The following CCDC88C variants were observed in gnomAD, a reference collection of about 807,000 sequenced individuals.
CCDC88C encodes the protein coiled-coil and HOOK domain protein 88C, also known as protein Daple.
A neutral mutation model predicts 198.8 loss-of-function variants in CCDC88C; 131 were observed. The observed-to-expected ratio is 0.66, with a 90% confidence interval of 0.57 to 0.76. The LOEUF (loss-of-function observed/expected upper bound fraction) is 0.76, where lower values mean the gene tolerates loss of function less well. CCDC88C is among the 30% of genes least tolerant of loss of function. The pLI is 0.00. For synonymous variants in CCDC88C, 1,166 were observed against 1,114.7 expected (o/e 1.05, Z -0.92); for missense variants, 2,553 against 2,631.6 (o/e 0.97, Z 0.65).
intron 3 of CCDC88C, among the ~76,000 whole-genome samples, chr14:91,398,815 G>A (rs1885999533): frequency 1.3e-5 from 2 of 152,192 alleles, no homozygotes; most frequent in African/African-American, 4.8e-5. Flanking sequence ...CTCTTGTCTG[G>A]CTGATCAGGA....
chr14:91,298,896 G>C (rs1480357810), intron 21 of CCDC88C, among the ~76,000 whole-genome samples: 1 of 152,208 alleles, frequency 6.6e-6, no homozygotes, highest in Admixed American at 6.5e-5. Context: ...TCCTGACTCT[G>C]CTATTCACTA....
intron 24 of CCDC88C, 108 bp from the exon 25 acceptor site, chr14:91,289,451 A>G (rs1890568534): frequency 2.1e-6 from 2 of 960,074 alleles, no homozygotes; most frequent in South Asian, 1.3e-5. Context: ...CTGGGAAGCT[A>G]GGCCACTCAC....
At chr14:91,293,422 C>CA in intron 23 of CCDC88C, among the ~76,000 whole-genome samples, 1 of 134,464 alleles carries the variant, frequency 7.4e-6, no homozygotes. Flanking sequence ...TCACCTGCCA[C>CA]GGCCCACCTT....
In CCDC88C at chr14:91,344,515, C is replaced by T. The variant is rs1165418255; in HGVS notation, c.341-858G>A. ...TTCTATAAGATAACATAAAGCCATC[C>T]TTTTTTTTTTTTTTGAGATGGAGTC... On this transcript the variant is annotated intron_variant, in intron 4 of 29. Coordinates refer to ENST00000389857, the MANE Select transcript of CCDC88C (RefSeq NM_001080414.4). Among the ~76,000 whole-genome samples the T allele has an allele frequency of 3.5e-5, 5 of 143,036 alleles. No homozygotes were observed. In the South Asian group the frequency reaches 8.9e-4, roughly 26 times the overall value. The allele number at this position is 143,036 out of a possible 152,430, so 93.8% of individuals were successfully genotyped here.
chr14:91,388,681 A>T (rs1288988519), intron 3 of CCDC88C, among the ~76,000 whole-genome samples: 2 of 152,246 alleles, frequency 1.3e-5, no homozygotes, highest in African/African-American at 2.4e-5. Flanking sequence ...TGACTTAAAA[A>T]GGATCGAAAC....
In CCDC88C at chr14:91,293,596, T is replaced by TTCCTGTCCCCTCACCTGCCAC. The variant is rs1567056076; in HGVS notation, c.4112+576_4112+577insGTGGCAGGTGAGGGGACAGGA. 3.9e-3 allele frequency among the ~76,000 whole-genome samples: 77 copies of TTCCTGTCCCCTCACCTGCCAC among 19,846 alleles called. 7 individuals carry two copies. The highest frequency in any genetic ancestry group is 7.2e-3 in the Admixed American group (14 of 1,940). The allele number at this position is 19,846 out of a possible 152,430, so 13.0% of individuals were successfully genotyped here. On this transcript the variant is annotated intron_variant, in intron 23 of 29. Coordinates refer to ENST00000389857, the MANE Select transcript of CCDC88C (RefSeq NM_001080414.4). Reference sequence around the variant, plus strand: ...CACCTTCCTGTCCCCTCGCCTGCCATGGCCCACCTCCTGTGGGCCTCCCCC... The same window carrying TTCCTGTCCCCTCACCTGCCAC: ...CACCTTCCTGTCCCCTCGCCTGCCATTCCTGTCCCCTCACCTGCCACGGCCCACCTCCTGTGGGCCTCCCCC...
chr14:91,368,332 A>G (rs1315449899), intron 3 of CCDC88C, among the ~76,000 whole-genome samples: 1 of 152,218 alleles, frequency 6.6e-6, no homozygotes, highest in African/African-American at 2.4e-5. Context: ...AAAACATTTC[A>G]GAGGGAAAAA....
At chr14:91,279,050 C>T (rs927062430) in intron 28 of CCDC88C, among the ~76,000 whole-genome samples, 188 bp downstream of exon 28, 16 of 151,812 alleles carry the variant, frequency 1.1e-4, no homozygotes, top group Non-Finnish European at 7.4e-5. Flanking sequence ...CACAGGCATG[C>T]GCCACCACGC....
rs1010469864 is a variant in CCDC88C at position 91,290,769 on chromosome 14, A to C, written c.4202+226T>G. Among the ~76,000 whole-genome samples, 21 of 152,196 alleles carry C rather than the reference A, an allele frequency of 1.4e-4. No homozygotes were observed. The highest frequency in any genetic ancestry group is 5.9e-5 in the Non-Finnish European group (4 of 68,036). ...CCCCCTTAAAAAAGGCTCATAGCTA[A>C]ATGAAGCCTGTGTCTCATTGGGGTC... On this transcript the variant is annotated intron_variant, in intron 24 of 29. Coordinates refer to ENST00000389857, the MANE Select transcript of CCDC88C (RefSeq NM_001080414.4).
At chr14:91,334,854 G>A (rs1892984075) in intron 10 of CCDC88C, among the ~76,000 whole-genome samples, 1 of 152,058 alleles carries the variant, frequency 6.6e-6, no homozygotes, top group Admixed American at 6.5e-5. Flanking sequence ...ATGGTACCTG[G>A]CTCCCATCTC....
intron 3 of CCDC88C, among the ~76,000 whole-genome samples, chr14:91,394,189 C>A (rs567810462): frequency 6.6e-6 from 1 of 152,194 alleles, no homozygotes; most frequent in Middle Eastern, 3.2e-3. Context: ...TTCCACCCCC[C>A]AGGGACTGAG....
At chr14:91,293,598 G>A (rs112260605) in intron 23 of CCDC88C, among the ~76,000 whole-genome samples, 1 of 142,008 alleles carries the variant, frequency 7.0e-6, no homozygotes, top group Non-Finnish European at 1.5e-5. Context: ...GCCTGCCATG[G>A]CCCACCTCCT....
intron 10 of CCDC88C, among the ~76,000 whole-genome samples, chr14:91,331,158 GA>G (rs985223429): frequency 3.9e-5 from 6 of 152,102 alleles, no homozygotes; most frequent in African/African-American, 1.4e-4. Flanking sequence ...CAGACTGGGG[GA>G]AATGGGCCCA....
chr14:91,416,075 A>C (rs527588880), intron 2 of CCDC88C, among the ~76,000 whole-genome samples: 1 of 152,240 alleles, frequency 6.6e-6, no homozygotes, highest in Non-Finnish European at 1.5e-5. Flanking sequence ...GCAAGCTGTC[A>C]ATCAGGCCGT....
intron 3 of CCDC88C, among the ~76,000 whole-genome samples, chr14:91,380,830 G>T (rs1289622781): frequency 1.3e-5 from 2 of 152,130 alleles, no homozygotes; most frequent in Non-Finnish European, 2.9e-5. Context: ...TCCCCAGGGA[G>T]CGTTTGTGAT....
chr14:91,332,470 T>C (rs964165609), intron 10 of CCDC88C, among the ~76,000 whole-genome samples: 1 of 152,202 alleles, frequency 6.6e-6, no homozygotes, highest in Non-Finnish European at 1.5e-5. Flanking sequence ...TACATTTGTG[T>C]TCCATGTTTT....
chr14:91,333,742 C>T (rs1892931551), intron 10 of CCDC88C, among the ~76,000 whole-genome samples: 1 of 152,188 alleles, frequency 6.6e-6, no homozygotes, highest in South Asian at 2.1e-4. Flanking sequence ...AGGGCCTGCC[C>T]TTACTCCCTA....
At chr14:91,291,295 T>C (rs1952050917) in intron 23 of CCDC88C, among the ~76,000 whole-genome samples, 1 of 152,104 alleles carries the variant, frequency 6.6e-6, no homozygotes. Context: ...GACCCTGAGA[T>C]TTACTGAAGC....
At chr14:91,301,868 G>A (rs775476215) in intron 20 of CCDC88C, among the ~76,000 whole-genome samples, 2 of 152,188 alleles carry the variant, frequency 1.3e-5, no homozygotes, top group African/African-American at 4.8e-5. Context: ...TCAGCTGGGT[G>A]CAACTCCTAC....
Sources: allele counts gnomAD v4.1 joint callset (sites outside exome capture counted in the v4.1 genomes callset), GRCh38; gene constraint gnomAD v4.1.1; transcripts MANE v1.5; gene names NCBI Gene and HGNC (gene_info 2026-07-23, HGNC 2026-07-21).